The following NLGN1 variants were observed in gnomAD, a reference collection of about 807,000 sequenced individuals.
NLGN1 encodes neuroligin 1, also known as neuroligin-1.
In NLGN1, 12 loss-of-function variants were observed where a neutral mutation model predicts 65.5. That is an observed-to-expected ratio of 0.18 (90% CI 0.12 to 0.30). NLGN1 has a LOEUF of 0.30. Among genes scored for constraint, NLGN1 ranks in the 10% least tolerant of loss-of-function variants. The probability of loss-of-function intolerance (pLI) is 1.00; values close to 1 mark genes in which losing one functional copy is unlikely to be tolerated. For missense variants in NLGN1, 750 were observed against 1,007.1 expected (o/e 0.74, Z 3.46); for synonymous variants, 350 against 359.5 (o/e 0.97, Z 0.30).
At chr3:173,661,166 G>A (rs1760873830) in intron 3 of NLGN1, among the ~76,000 whole-genome samples, 1 of 151,956 alleles carries the variant, frequency 6.6e-6, no homozygotes, top group African/African-American at 2.4e-5. Context: ...TAGGATCAAA[G>A]GAATTCAAAG....
chr3:173,570,965 G>A (rs1287972507), intron 2 of NLGN1, among the ~76,000 whole-genome samples: 1 of 152,144 alleles, frequency 6.6e-6, no homozygotes, highest in Non-Finnish European at 1.5e-5. Context: ...GCCTCTCAAA[G>A]TGCTGGGATT....
At position 173,452,705 on chromosome 3, in the gene NLGN1, C is replaced by A. The variant is rs191492554; in HGVS notation, c.-321+17627C>A. ...TCAAGGTTATCTAGCGAAACAGAAC[C>A]CATAGGAGAGAGATAGATTACTTGA... is the stretch of plus-strand genomic sequence containing the variant. On this transcript the variant is annotated intron_variant, in intron 2 of 6. Transcript: ENST00000457714. 9.7e-4 allele frequency among the ~76,000 whole-genome samples: 148 copies of A among 152,024 alleles called. 1 individual carries two copies. Among genetic ancestry groups the A allele is most frequent in the African/African-American group, 3.5e-3 (146 of 41,452 alleles).
intron 4 of NLGN1, among the ~76,000 whole-genome samples, chr3:174,244,732 T>C (rs1425646597): frequency 6.6e-6 from 1 of 152,222 alleles, no homozygotes; most frequent in Non-Finnish European, 1.5e-5. Flanking sequence ...GTTGCTAGTT[T>C]CTGACCAGAT....
chr3:173,900,830 T>C lies in NLGN1; in HGVS notation c.646+92998T>C, dbSNP rs370559961. Reference sequence around the variant, plus strand: ...CAATTAAGGCTTAATTATCATTTGTTCAACATTTTACCCTGATAGAACCTC... The same window carrying C: ...CAATTAAGGCTTAATTATCATTTGTCCAACATTTTACCCTGATAGAACCTC... On this transcript the variant is annotated intron_variant, in intron 4 of 6. Transcript: ENST00000457714. Among the ~76,000 whole-genome samples the C allele has an allele frequency of 2.0e-5, 3 of 152,120 alleles. No individual in the cohort carries two copies. In the East Asian group the frequency reaches 5.8e-4, roughly 29 times the overall value.
intron 3 of NLGN1, among the ~76,000 whole-genome samples, chr3:173,733,729 C>T (rs1773246110): frequency 6.6e-6 from 1 of 152,082 alleles, no homozygotes; most frequent in Admixed American, 6.6e-5. Flanking sequence ...TTAATAGTGA[C>T]TAATTTATTC....
intron 2 of NLGN1, among the ~76,000 whole-genome samples, chr3:173,441,203 G>T (rs1228301847): frequency 1.3e-5 from 2 of 152,172 alleles, no homozygotes; most frequent in Non-Finnish European, 2.9e-5. Context: ...TTTGTAGGTG[G>T]TTTGATCTTT....
At chr3:174,062,249 C>A (rs57875280) in intron 4 of NLGN1, among the ~76,000 whole-genome samples, 1 of 152,014 alleles carries the variant, frequency 6.6e-6, no homozygotes, top group Non-Finnish European at 1.5e-5. Flanking sequence ...GGACAATGGG[C>A]GGTTACTGAC....
intron 4 of NLGN1, among the ~76,000 whole-genome samples, chr3:173,981,502 A>G (rs779309082): frequency 1.3e-5 from 2 of 152,126 alleles, no homozygotes; most frequent in Non-Finnish European, 1.5e-5. Flanking sequence ...CGTAACTCCA[A>G]CTATTTCTAT....
At chr3:173,662,857 C>G (rs994599073) in intron 3 of NLGN1, among the ~76,000 whole-genome samples, 1 of 151,956 alleles carries the variant, frequency 6.6e-6, no homozygotes, top group African/African-American at 2.4e-5. Flanking sequence ...CAAAATTTTC[C>G]TGCCCAAAAT....
rs73047960 is a variant in NLGN1, at chr3:173,427,434, A to G, written c.-389-7576A>G. Among the ~76,000 whole-genome samples the G allele has an allele frequency of 9.9e-3, 1,501 of 151,798 alleles. 26 individuals are homozygous for G. Among genetic ancestry groups the G allele is most frequent in the African/African-American group, 0.034 (1,397 of 41,494 alleles). ...TTTTAGAAGTCTTTTTTCTTTTTCA[A>G]TGTAAGCATTTATTGCTGTAAACTT... On this transcript the variant is annotated intron_variant, in intron 1 of 6. Transcript: ENST00000457714.
chr3:173,870,759 C>T (rs187669556), intron 4 of NLGN1, among the ~76,000 whole-genome samples: 159 of 152,278 alleles, frequency 1.0e-3, no homozygotes, highest in Non-Finnish European at 1.8e-3. Context: ...ACACTGTGAT[C>T]GAATGAAAAA....
intron 4 of NLGN1, among the ~76,000 whole-genome samples, chr3:174,259,402 C>A (rs1746417563): frequency 6.6e-6 from 1 of 151,898 alleles, no homozygotes; most frequent in Non-Finnish European, 1.5e-5. Flanking sequence ...CCTCATTCTC[C>A]CTCACCCTCA....
At chr3:173,782,899 A>G (rs1781391811) in intron 3 of NLGN1, among the ~76,000 whole-genome samples, 1 of 152,068 alleles carries the variant, frequency 6.6e-6, no homozygotes, top group Non-Finnish European at 1.5e-5. Flanking sequence ...AAATATATAT[A>G]CTAATACATG....
At chr3:173,570,332 C>T (rs769738897) in intron 2 of NLGN1, among the ~76,000 whole-genome samples, 36 of 152,264 alleles carry the variant, frequency 2.4e-4, no homozygotes, top group Non-Finnish European at 3.1e-4. Context: ...CCACAAGTAG[C>T]GCAGCATGCT....
intron 2 of NLGN1, among the ~76,000 whole-genome samples, chr3:173,580,482 C>G (rs1024858501): frequency 7.9e-5 from 12 of 151,838 alleles, no homozygotes; most frequent in African/African-American, 2.4e-4. Flanking sequence ...AAGAGATTCT[C>G]TTCATTAGAG....
intron 4 of NLGN1, among the ~76,000 whole-genome samples, chr3:173,998,614 A>G (rs62292105): frequency 6.6e-6 from 1 of 152,166 alleles, no homozygotes; most frequent in Non-Finnish European, 1.5e-5. Context: ...AGTCTTCAAA[A>G]CATTGCCATG....
chr3:174,166,578 T>C (rs13340146), intron 4 of NLGN1, among the ~76,000 whole-genome samples: 23,034 of 152,112 alleles, frequency 0.15, 3,335 homozygotes, highest in African/African-American at 0.38. Context: ...TTTGAATTTA[T>C]TGAGGCTTGC....
chr3:173,798,234 A>G (rs139341082), intron 3 of NLGN1, among the ~76,000 whole-genome samples: 1 of 152,162 alleles, frequency 6.6e-6, no homozygotes, highest in African/African-American at 2.4e-5. Flanking sequence ...TGGAAAGTAG[A>G]TAGTGGTTTT....
intron 4 of NLGN1, among the ~76,000 whole-genome samples, chr3:174,026,670 G>A (rs1455294144): frequency 6.6e-6 from 1 of 152,104 alleles, no homozygotes; most frequent in Non-Finnish European, 1.5e-5. Flanking sequence ...CAGAACAAAA[G>A]GAGAAAAGAA....
Sources: allele counts gnomAD v4.1 joint callset (sites outside exome capture counted in the v4.1 genomes callset), GRCh38; gene constraint gnomAD v4.1.1; transcripts MANE v1.5; gene names NCBI Gene and HGNC (gene_info 2026-07-23, HGNC 2026-07-21).